The following MRNIP variants were observed in gnomAD, a reference collection of about 807,000 sequenced individuals.
MRNIP encodes MRN complex interacting protein.
MRNIP carries 30 observed loss-of-function variants against 29.8 expected under a neutral mutation model. The ratio of observed to expected loss-of-function variants is 1.01; its 90% CI spans 0.75 to 1.36. MRNIP has a LOEUF of 1.36. MRNIP is among the 40% of genes most tolerant of loss of function. The probability of loss-of-function intolerance (pLI) is 0.00; values close to 1 mark genes in which losing one functional copy is unlikely to be tolerated. For missense variants in MRNIP, 459 were observed against 423.5 expected (o/e 1.08, Z -0.74); for synonymous variants, 201 against 164.1 (o/e 1.23, Z -1.72).
In MRNIP at chr5:179,841,949, T is replaced by A; in HGVS notation, c.407A>T (p.Glu136Val). The A allele has an allele frequency of 6.2e-7, 1 of 1,614,138 alleles. No individual in the cohort carries two copies. Among genetic ancestry groups the A allele is most frequent in the Admixed American group, 1.7e-5 (1 of 60,022 alleles). The change falls in exon 5 of 7, where the codon GAG becomes GTG. Residue 136 changes from glutamate to valine, a missense_variant. Transcript: ENST00000292586. ...TTGACTGAAGCGGGGGCCTGGCTCC[T>A]CCATTTTGGATGAAGGCTGTTTGCT... ...CFSKQPSSKM[E>V]EPGPRFSQDL... is the part of the protein sequence containing the mutation.
rs57446717 is a variant in MRNIP, at chr5:179,853,345, C to T, written c.126+33G>A. The T allele has an allele frequency of 3.0e-3, 4,779 of 1,606,496 alleles. 22 individuals are homozygous for T. The highest frequency in any genetic ancestry group is 0.022 in the African/African-American group (1,628 of 74,902). On this transcript the variant is annotated intron_variant, in intron 2 of 6. Transcript: ENST00000292586. The stretch of plus-strand genomic sequence containing the variant: ...CCTGGAAGGGCTCGCTGCAGGCCTG[C>T]GCCCCACTTGCTTTCTGTTTTGTAG...
At chr5:179,838,109 C>A in intron 6 of MRNIP, 1 of 589,178 alleles carries the variant, frequency 1.7e-6, no homozygotes, top group Non-Finnish European at 3.0e-6. Flanking sequence ...CCAGGCTTTC[C>A]AAAAACAAGA....
intron 4 of MRNIP, among the ~76,000 whole-genome samples, chr5:179,843,747 A>AAAAAC (rs376566420): frequency 3.3e-5 from 5 of 152,046 alleles, no homozygotes; most frequent in Admixed American, 6.6e-5. Flanking sequence ...TTCAGAGAAA[A>AAAAAC]AAAACAAAAC....
At chr5:179,839,324 G>C (rs1758765610) in intron 6 of MRNIP, 1 of 151,890 alleles carries the variant, frequency 6.6e-6, no homozygotes, top group Non-Finnish European at 1.5e-5. Context: ...CAGCGATAGA[G>C]TGGGTCCCTG....
Position 179,842,029 on chromosome 5 carries a change from C to T in MRNIP, c.327G>A (p.Lys109=), listed in dbSNP as rs1356611706. The stretch of plus-strand genomic sequence containing the variant: ...GTTCTTGGGAGTCCTTTTCTAGATA[C>T]TTCAGCCAGCGACTCTCTGAGGGCT... The part of the protein sequence containing the change: ...KSQPSESRWL[K]YLEKDSQELE... The change falls in exon 5 of 7, where the codon AAG becomes AAA. Residue 109 remains lysine, a synonymous_variant. Coordinates refer to ENST00000292586, the MANE Select transcript of MRNIP (RefSeq NM_016175.4). 2 of 1,614,142 alleles carry T rather than the reference C, an allele frequency of 1.2e-6. No individual in the cohort carries two copies. Among genetic ancestry groups the T allele is most frequent in the Non-Finnish European group, 1.7e-6 (2 of 1,180,012 alleles).
intron 6 of MRNIP, 74 bp downstream of exon 6, chr5:179,840,798 T>C: frequency 8.9e-7 from 1 of 1,123,686 alleles, no homozygotes; most frequent in South Asian, 1.3e-5. Context: ...CTTCGTCAAC[T>C]GTGACAAAAG....
intron 5 of MRNIP, chr5:179,841,582 TCTGAG>T: frequency 3.5e-6 from 1 of 286,410 alleles, no homozygotes; most frequent in Admixed American, 4.8e-5. Context: ...CCTCTGCTTC[TCTGAG>T]CTAAAAGCTC....
In MRNIP at chr5:179,840,853, G is replaced by A. The variant is rs1561614825; in HGVS notation, c.537+19C>T. On this transcript the variant is annotated intron_variant, in intron 6 of 6. Coordinates refer to ENST00000292586, the MANE Select transcript of MRNIP (RefSeq NM_016175.4). The stretch of plus-strand genomic sequence containing the variant: ...GCTCAGTGGTCACTGGGACCAGAGA[G>A]AAACTGTTTGTCACTGACCTTCTGG... 2 of 1,557,530 alleles carry A rather than the reference G, an allele frequency of 1.3e-6. No homozygotes were observed. Among genetic ancestry groups the A allele is most frequent in the Admixed American group, 3.4e-5 (2 of 59,122 alleles).
At chr5:179,841,790 G>T in intron 5 of MRNIP, 117 bp downstream of exon 5, 1 of 1,096,728 alleles carries the variant, frequency 9.1e-7, no homozygotes, top group Non-Finnish European at 1.3e-6. Flanking sequence ...CCACCTGCTG[G>T]CACTTGCCAC....
At chr5:179,844,771 T>C (rs558123308) in intron 3 of MRNIP, among the ~76,000 whole-genome samples, 4 of 152,204 alleles carry the variant, frequency 2.6e-5, no homozygotes, top group Non-Finnish European at 5.9e-5. Flanking sequence ...ACTGCATATA[T>C]ATAGAAATAC....
In MRNIP at chr5:179,837,784, C is replaced by T; in HGVS notation, c.639G>A (p.Lys213=). 6.2e-7 allele frequency: 1 copy of T among 1,614,200 alleles called. No individual in the cohort carries two copies. The change falls in exon 7 of 7, where the codon AAG becomes AAA. Residue 213 remains lysine (K), a synonymous_variant. Coordinates refer to ENST00000292586, the MANE Select transcript of MRNIP (RefSeq NM_016175.4). Reference sequence around the variant, plus strand: ...CCTGCTGGATGGGACTCCATAGCTCCTTCCCAGGACCCCTCAGCTCCCCGG... The same window carrying T: ...CCTGCTGGATGGGACTCCATAGCTCTTTCCCAGGACCCCTCAGCTCCCCGG... ...CSAGELRGPG[K]ELWSPIQQVT...
chr5:179,843,059 A>AAGGGAGGAAGGAAGGG (rs1758977127), intron 4 of MRNIP, among the ~76,000 whole-genome samples: 1 of 119,892 alleles, frequency 8.3e-6, no homozygotes, highest in Non-Finnish European at 1.8e-5. Context: ...GGAAGGAAGG[A>AAGGGAGGAAGGAAGGG]AGGGAGGGAG....
rs58952171 is a variant in MRNIP at position 179,842,699 on chromosome 5, C to CAAAAAAAAAAA, written c.292-646_292-636dup. Among the ~76,000 whole-genome samples, 14 of 28,998 alleles carry CAAAAAAAAAAA rather than the reference C, an allele frequency of 4.8e-4. 1 individual carries two copies. Among genetic ancestry groups the CAAAAAAAAAAA allele is most frequent in the African/African-American group, 2.1e-3 (12 of 5,722 alleles). The allele number at this position is 28,998 out of a possible 152,430, so 19.0% of individuals were successfully genotyped here. A position where few individuals can be genotyped will look rare whatever the true frequency, so the allele number is the denominator to read the frequency against. On this transcript the variant is annotated intron_variant, in intron 4 of 6. Coordinates refer to ENST00000292586, the MANE Select transcript of MRNIP (RefSeq NM_016175.4). ...TGGGGGGCAGAGCGAGACTCCGTCT[C>CAAAAAAAAAAA]AAAAAAAAAAAAAAAAAAAAAAAAA...
rs1758831043 is a variant in MRNIP, at chr5:179,840,478, G to A, written c.537+394C>T. 1.1e-5 allele frequency: 4 copies of A among 349,000 alleles called. No homozygotes were observed. In the South Asian group the frequency reaches 1.9e-4, roughly 16 times the overall value. 21.6% of individuals were successfully genotyped at this position (349,000 alleles called of 1,614,324 possible). A position where few individuals can be genotyped will look rare whatever the true frequency, so the allele number is the denominator to read the frequency against. On this transcript the variant is annotated intron_variant, in intron 6 of 6. Transcript: ENST00000292586. ...CTCACATACAAGAGTCCACAGCAGGGCAAATGCGAGTGTGGAGGGAAGCAT... is the reference window on the plus strand; with the variant it reads ...CTCACATACAAGAGTCCACAGCAGGACAAATGCGAGTGTGGAGGGAAGCAT...
At chr5:179,851,348 A>G (rs1347283185) in intron 2 of MRNIP, 2 of 455,946 alleles carry the variant, frequency 4.4e-6, no homozygotes, top group East Asian at 6.9e-5. Context: ...CTAGGAATTT[A>G]TAATTGAGAC....
chr5:179,846,533 G>A (rs929460566), intron 3 of MRNIP, among the ~76,000 whole-genome samples: 5 of 152,000 alleles, frequency 3.3e-5, no homozygotes, highest in East Asian at 1.9e-4. Context: ...CATCTGCCCC[G>A]GCCTCCCAGT....
intron 1 of MRNIP, among the ~76,000 whole-genome samples, chr5:179,855,787 T>A (rs908565532): frequency 6.6e-6 from 1 of 152,102 alleles, no homozygotes; most frequent in African/African-American, 2.4e-5. Context: ...AGGAGGACAA[T>A]GAGCACCTAC....
rs149508576 is a variant in MRNIP at position 179,837,303 on chromosome 5, G to T, written c.*88C>A. 3 of 1,601,904 alleles carry T rather than the reference G, an allele frequency of 1.9e-6. No individual in the cohort carries two copies. Among genetic ancestry groups the T allele is most frequent in the Non-Finnish European group, 2.6e-6 (3 of 1,174,280 alleles). ...ATTGACAGTAAGTTTATTGTTAATG[G>T]TTCTTACAGAGTATCTTTAAAAGTG... On this transcript the variant is annotated 3_prime_UTR_variant, in exon 7 of 7. Coordinates refer to ENST00000292586, the MANE Select transcript of MRNIP (RefSeq NM_016175.4).
intron 1 of MRNIP, among the ~76,000 whole-genome samples, chr5:179,854,060 G>A (rs1400367512): frequency 1.5e-5 from 2 of 136,590 alleles, no homozygotes; most frequent in African/African-American, 2.8e-5. Flanking sequence ...TGGCTCTGCT[G>A]CCCAGGCTGG....
Sources: gnomAD v4.1 joint callset for allele counts (sites outside exome capture counted in the v4.1 genomes callset) on GRCh38, gnomAD v4.1.1 for gene constraint, MANE v1.5 for transcripts, NCBI Gene and HGNC (gene_info 2026-07-23, HGNC 2026-07-21) for gene names.